Variants in PRIMA1 observed in about 807,000 individuals in gnomAD.
PRIMA1 encodes proline-rich membrane anchor 1.
In PRIMA1, 7 loss-of-function variants were observed where a neutral mutation model predicts 17.5. That is an observed-to-expected ratio of 0.40 (90% CI 0.23 to 0.75). The LOEUF (loss-of-function observed/expected upper bound fraction) is 0.75. Ranked by LOEUF, PRIMA1 falls within the 30% of genes least tolerant of loss-of-function variation. The pLI is 0.37. For missense variants in PRIMA1, 200 were observed against 201.8 expected (o/e 0.99, Z 0.05); for synonymous variants, 97 against 77.9 (o/e 1.25, Z -1.29).
At chr14:93,788,552 C>A (rs1376324143), upstream of PRIMA1, 3 of 152,314 alleles carry the variant, frequency 2.0e-5, no homozygotes, top group East Asian at 5.8e-4. Flanking sequence ...CTAGGCGGGG[C>A]CTCCGTCCTC....
At chr14:93,783,350 C>T (rs1421679113) in intron 2 of PRIMA1, among the ~76,000 whole-genome samples, 1 of 152,162 alleles carries the variant, frequency 6.6e-6, no homozygotes, top group Non-Finnish European at 1.5e-5. Flanking sequence ...CACAGTTGCC[C>T]AAGGCCCAGC....
At chr14:93,756,585 T>C (rs542731919) in intron 3 of PRIMA1, among the ~76,000 whole-genome samples, 1 of 151,578 alleles carries the variant, frequency 6.6e-6, no homozygotes, top group East Asian at 2.0e-4. Context: ...AATTGATCAG[T>C]CCCATGCCTT....
chr14:93,784,064 G>C (rs2141198000), intron 2 of PRIMA1, among the ~76,000 whole-genome samples: 1 of 152,290 alleles, frequency 6.6e-6, no homozygotes, highest in East Asian at 1.9e-4. Context: ...CCAGTGGGCA[G>C]TACCTGCCTC....
intron 2 of PRIMA1, among the ~76,000 whole-genome samples, chr14:93,782,245 G>A (rs1353714590): frequency 6.6e-6 from 1 of 152,150 alleles, no homozygotes; most frequent in East Asian, 1.9e-4. Context: ...TCCAGCCTGG[G>A]CGACAGAGCA....
chr14:93,785,259 T>G (rs1047938799), intron 2 of PRIMA1, among the ~76,000 whole-genome samples: 5 of 144,702 alleles, frequency 3.5e-5, no homozygotes, highest in African/African-American at 1.0e-4. Flanking sequence ...AAGCTCAAAA[T>G]CTCAATTCCA....
At chr14:93,767,318 T>C (rs1566974772) in intron 3 of PRIMA1, among the ~76,000 whole-genome samples, 1 of 152,158 alleles carries the variant, frequency 6.6e-6, no homozygotes. Flanking sequence ...ATCAGGAAGT[T>C]GAGGTTAGTC....
At chr14:93,736,279 A>G (rs998049271) in intron 4 of PRIMA1, among the ~76,000 whole-genome samples, 1 of 152,168 alleles carries the variant, frequency 6.6e-6, no homozygotes, top group Non-Finnish European at 1.5e-5. Flanking sequence ...ATTGCTCACC[A>G]GTTGTGCCAC....
At chr14:93,787,829 C>G (rs923173658) in intron 1 of PRIMA1, 80 bp from the exon 2 acceptor site, 2 of 1,457,912 alleles carry the variant, frequency 1.4e-6, no homozygotes, top group Non-Finnish European at 1.8e-6. Flanking sequence ...CCTCCCAGCC[C>G]GGGTCGGACG....
Position 93,787,714 on chromosome 14 carries a change from A to C in PRIMA1, c.5T>G (p.Leu2Arg), listed in dbSNP as rs1440172922. ...ACGGCGCAGCACCAAGTCCCGGAGG[A>C]GCATCTCGGCCAGCGGCGCCCGCTC... M[L>R]LRDLVLRRGC... Residue 2 changes from leucine to arginine, a missense_variant, in exon 2 of 5, where the codon CTC becomes CGC. By Grantham distance (102) the Leu-to-Arg change is moderately radical (BLOSUM62 -2). Coordinates refer to ENST00000393140, the MANE Select transcript of PRIMA1 (RefSeq NM_178013.4). 6.5e-7 allele frequency: 1 copy of C among 1,543,532 alleles called. No individual in the cohort carries two copies. Among genetic ancestry groups the C allele is most frequent in the Admixed American group, 2.0e-5 (1 of 50,988 alleles).
intron 3 of PRIMA1, among the ~76,000 whole-genome samples, chr14:93,758,378 G>A (rs1027402981): frequency 6.6e-6 from 1 of 152,032 alleles, no homozygotes; most frequent in African/African-American, 2.4e-5. Flanking sequence ...TTGAGGTCAG[G>A]AGTTCAAGAC....
chr14:93,780,882 C>T (rs191074520), intron 2 of PRIMA1, among the ~76,000 whole-genome samples: 14 of 152,312 alleles, frequency 9.2e-5, no homozygotes, highest in African/African-American at 3.4e-4. Context: ...TCGACAGCCA[C>T]GGTTGATTTC....
intron 4 of PRIMA1, among the ~76,000 whole-genome samples, chr14:93,736,128 C>A (rs2076148679): frequency 6.6e-6 from 1 of 152,228 alleles, no homozygotes; most frequent in African/African-American, 2.4e-5. Flanking sequence ...TCTCCCACAT[C>A]CCTGAGGAAG....
chr14:93,760,632 G>A (rs1156684612), intron 3 of PRIMA1, among the ~76,000 whole-genome samples: 1 of 152,110 alleles, frequency 6.6e-6, no homozygotes, highest in Non-Finnish European at 1.5e-5. Flanking sequence ...CCTGGCTGGT[G>A]AGCTCCACCA....
At chr14:93,736,423 TAC>T (rs1407659415) in intron 4 of PRIMA1, among the ~76,000 whole-genome samples, 2 of 152,254 alleles carry the variant, frequency 1.3e-5, no homozygotes, top group African/African-American at 4.8e-5. Flanking sequence ...TATTGCTGAT[TAC>T]AGTTATGCCT....
At chr14:93,744,325 C>CTG in intron 3 of PRIMA1, among the ~76,000 whole-genome samples, 1 of 152,332 alleles carries the variant, frequency 6.6e-6, no homozygotes, top group East Asian at 1.9e-4. Context: ...TGCTCCCACA[C>CTG]CGGGTCCCAT....
chr14:93,747,932 T>G (rs2076233352), intron 3 of PRIMA1, among the ~76,000 whole-genome samples: 1 of 68,424 alleles, frequency 1.5e-5, no homozygotes, highest in African/African-American at 3.6e-5. Flanking sequence ...GGAGTGTGAT[T>G]ATGTGAGTGT....
At chr14:93,743,814 C>T (rs946353957) in intron 3 of PRIMA1, among the ~76,000 whole-genome samples, 4 of 152,212 alleles carry the variant, frequency 2.6e-5, no homozygotes, top group South Asian at 2.1e-4. Flanking sequence ...CCTTTGGCAC[C>T]ACTCCCTCCC....
At chr14:93,735,384 A>C (rs1203977925) in intron 4 of PRIMA1, among the ~76,000 whole-genome samples, 3 of 151,946 alleles carry the variant, frequency 2.0e-5, no homozygotes, top group African/African-American at 7.3e-5. Flanking sequence ...TGCTCCCCTC[A>C]CAGGTGCCTT....
intron 1 of PRIMA1, among the ~76,000 whole-genome samples, chr14:93,788,189 C>G (rs908515128): frequency 6.6e-6 from 1 of 152,232 alleles, no homozygotes; most frequent in African/African-American, 2.4e-5. Flanking sequence ...CACCCACCGA[C>G]TCCTGCCTGC....
Sources: gnomAD v4.1 joint callset for allele counts (sites outside exome capture counted in the v4.1 genomes callset) on GRCh38, gnomAD v4.1.1 for gene constraint, MANE v1.5 for transcripts, NCBI Gene and HGNC (gene_info 2026-07-23, HGNC 2026-07-21) for gene names.